ERC2: variants seen among roughly 807,000 people sequenced by gnomAD.
ERC2 encodes ELKS/RAB6-interacting/CAST family member 2.
ERC2 carries 42 observed loss-of-function variants against 114.8 expected under a neutral mutation model. The observed-to-expected ratio is 0.37, with a 90% CI of 0.29 to 0.47. The LOEUF (loss-of-function observed/expected upper bound fraction) is 0.47, where lower values mean the gene tolerates loss of function less well. Among genes scored for constraint, ERC2 ranks in the 20% least tolerant of loss-of-function variants. The pLI is 0.99. For synonymous variants in ERC2, 454 were observed against 425.5 expected (o/e 1.07, Z -0.82); for missense variants, 939 against 1,150.7 (o/e 0.82, Z 2.66).
rs142915799 is a variant in ERC2 at position 55,902,837 on chromosome 3, G to A, written c.2404-14288C>T. 2.6e-3 allele frequency among the ~76,000 whole-genome samples: 389 copies of A among 152,320 alleles called. 3 individuals carry two copies. The highest frequency in any genetic ancestry group is 9.0e-3 in the African/African-American group (376 of 41,578). On this transcript the variant is annotated intron_variant, in intron 13 of 17. Transcript: ENST00000288221. ...AGAGATTATCCCCTAGCCCCTGCCA[G>A]GGGCTGTGATTTATCCCAAGGGAGC...
intron 12 of ERC2, among the ~76,000 whole-genome samples, chr3:55,952,021 G>A (rs1382882940): frequency 1.3e-5 from 2 of 150,856 alleles, no homozygotes; most frequent in Non-Finnish European, 3.0e-5. Context: ...AAAACAGTCC[G>A]AGGGTGCAGC....
intron 2 of ERC2, 76 bp downstream of exon 2, chr3:56,434,275 G>T: frequency 7.2e-7 from 1 of 1,393,888 alleles, no homozygotes; most frequent in Non-Finnish European, 9.9e-7. Context: ...TGCACAGGTC[G>T]TGGTACCATC....
At chr3:56,414,054 CT>C (rs902973036) in intron 2 of ERC2, among the ~76,000 whole-genome samples, 2 of 152,170 alleles carry the variant, frequency 1.3e-5, no homozygotes, top group African/African-American at 4.8e-5. Context: ...TCTGCCTGTA[CT>C]TTTTCAAGGA....
chr3:56,273,516 A>G (rs947230659), intron 3 of ERC2, among the ~76,000 whole-genome samples: 3 of 152,098 alleles, frequency 2.0e-5, no homozygotes, highest in Non-Finnish European at 2.9e-5. Flanking sequence ...AACTGTCAGT[A>G]TTACAGTAGT....
intron 14 of ERC2, among the ~76,000 whole-genome samples, chr3:55,768,722 C>G (rs1304274227): frequency 6.6e-6 from 1 of 152,108 alleles, no homozygotes; most frequent in East Asian, 1.9e-4. Context: ...TTAGAAGAAG[C>G]AAGCCAATGG....
chr3:56,447,391 G>A (rs954642024), intron 1 of ERC2, among the ~76,000 whole-genome samples: 14 of 152,214 alleles, frequency 9.2e-5, no homozygotes, highest in Non-Finnish European at 1.9e-4. Context: ...CTCGCTCTGG[G>A]GCTGTGTAAG....
At chr3:56,457,871 C>T (rs1301332273) in intron 1 of ERC2, among the ~76,000 whole-genome samples, 3 of 152,134 alleles carry the variant, frequency 2.0e-5, no homozygotes, top group African/African-American at 7.2e-5. Flanking sequence ...CTTCAGGAAG[C>T]CTTCCTTCAT....
chr3:56,149,776 C>T (rs1464866664), intron 4 of ERC2, among the ~76,000 whole-genome samples: 1 of 152,014 alleles, frequency 6.6e-6, no homozygotes, highest in Non-Finnish European at 1.5e-5. Context: ...CCCTACGTAA[C>T]AAAAAACATG....
intron 2 of ERC2, among the ~76,000 whole-genome samples, chr3:56,405,237 A>G (rs1410413543): frequency 6.6e-6 from 1 of 152,166 alleles, no homozygotes; most frequent in Non-Finnish European, 1.5e-5. Flanking sequence ...TGAGGTCAGG[A>G]GTTTGAGACC....
At chr3:55,751,026 A>C (rs2066670071) in intron 14 of ERC2, among the ~76,000 whole-genome samples, 1 of 152,230 alleles carries the variant, frequency 6.6e-6, no homozygotes, top group Admixed American at 6.5e-5. Context: ...TGTTGTTGGC[A>C]AAAAATATTT....
At chr3:56,268,192 A>G (rs2053445864) in intron 3 of ERC2, among the ~76,000 whole-genome samples, 1 of 152,204 alleles carries the variant, frequency 6.6e-6, no homozygotes. Context: ...TAGATACACC[A>G]TTGCATTACA....
At chr3:55,642,651 A>AT (rs752529706) in intron 17 of ERC2, among the ~76,000 whole-genome samples, 5 of 152,132 alleles carry the variant, frequency 3.3e-5, no homozygotes, top group Middle Eastern at 6.8e-3. Flanking sequence ...TAATTGACCA[A>AT]TTTTGTTTTC....
intron 14 of ERC2, among the ~76,000 whole-genome samples, chr3:55,842,185 T>C (rs62255821): frequency 0.086 from 13,023 of 152,106 alleles, 839 homozygotes; most frequent in African/African-American, 0.18. Flanking sequence ...GAGTTAGTAG[T>C]GGTGAAAGTG....
At chr3:55,592,940 T>G (rs2057965207) in intron 17 of ERC2, among the ~76,000 whole-genome samples, 1 of 152,228 alleles carries the variant, frequency 6.6e-6, no homozygotes, top group Non-Finnish European at 1.5e-5. Flanking sequence ...TTGCATAGGA[T>G]GACAGGGTGC....
At chr3:55,542,892 C>T (rs1436065398) in intron 17 of ERC2, among the ~76,000 whole-genome samples, 1 of 152,170 alleles carries the variant, frequency 6.6e-6, no homozygotes, top group African/African-American at 2.4e-5. Flanking sequence ...TTTCTATTTC[C>T]ACCCAGAAAG....
intron 2 of ERC2, among the ~76,000 whole-genome samples, chr3:56,316,455 A>AATGTTAAGACTAATCTAAT (rs1302391421): frequency 7.2e-5 from 11 of 152,182 alleles, no homozygotes; most frequent in African/African-American, 2.7e-4. Context: ...GTGGGAGACT[A>AATGTTAAGACTAATCTAAT]GTTAAGAACC....
intron 13 of ERC2, among the ~76,000 whole-genome samples, chr3:55,933,946 T>C (rs1290533527): frequency 6.6e-6 from 1 of 152,204 alleles, no homozygotes; most frequent in Non-Finnish European, 1.5e-5. Flanking sequence ...CTTTGGTGCC[T>C]ATGTGTCAAA....
intron 15 of ERC2, among the ~76,000 whole-genome samples, chr3:55,723,392 G>C (rs1346508299): frequency 6.6e-6 from 1 of 151,932 alleles, no homozygotes; most frequent in Non-Finnish European, 1.5e-5. Context: ...GTATCTCTAT[G>C]CTTTCAACTA....
intron 17 of ERC2, among the ~76,000 whole-genome samples, chr3:55,612,474 T>C (rs547832654): frequency 1.4e-3 from 209 of 152,350 alleles, no homozygotes; most frequent in Non-Finnish European, 2.0e-3. Flanking sequence ...TGTGGACTCC[T>C]GGTTCAGGTA....
Sources: gnomAD v4.1 joint callset for allele counts (sites outside exome capture counted in the v4.1 genomes callset) on GRCh38, gnomAD v4.1.1 for gene constraint, MANE v1.5 for transcripts, NCBI Gene and HGNC (gene_info 2026-07-23, HGNC 2026-07-21) for gene names.